The following DAND5 variants were observed in gnomAD, a reference collection of about 807,000 sequenced individuals.
The protein encoded by DAND5 is DAN domain BMP antagonist family member 5.
DAND5 carries 8 observed loss-of-function variants against 9.2 expected under a neutral mutation model. The observed-to-expected ratio is 0.87, with a 90% CI of 0.51 to 1.56. The LOEUF is 1.56. DAND5 is among the 40% of genes most tolerant of loss of function. The pLI is 0.00. For synonymous variants in DAND5, 95 were observed against 101.1 expected (o/e 0.94, Z 0.36); for missense variants, 244 against 244.7 (o/e 1.00, Z 0.02).
At chr19:12,971,568 C>T (rs1340639212) in intron 1 of DAND5, among the ~76,000 whole-genome samples, 1 of 151,990 alleles carries the variant, frequency 6.6e-6, no homozygotes, top group Non-Finnish European at 1.5e-5. Flanking sequence ...TGAGCCACTG[C>T]ACCCGGCCTT....
rs765612939 is a variant in DAND5 at position 12,973,404 on chromosome 19, G to A, written c.340G>A (p.Gly114Ser). 1.7e-5 allele frequency: 28 copies of A among 1,613,948 alleles called. No individual in the cohort carries two copies. Among genetic ancestry groups the A allele is most frequent in the East Asian group, 6.7e-5 (3 of 44,870 alleles). ...CCGGCCCCAGGTGTTCTCCCGGCCC[G>A]GCTGCTCAGCCATACGCCTCCGAAA... ...VPFVQVFSRP[G>S]CSAIRLRNHL... The change falls in exon 2 of 2, where the codon GGC (glycine) becomes AGC (serine). Residue 114 changes from glycine (G) to serine (S), a missense_variant. Physicochemically the swap from Gly to Ser is moderately conservative, Grantham distance 56. Transcript: ENST00000317060.
At position 12,969,596 on chromosome 19, in the gene DAND5, G is replaced by A. The variant is rs185960974; in HGVS notation, c.-65G>A. On this transcript the variant is annotated 5_prime_UTR_variant, in exon 1 of 2. Transcript: ENST00000317060. Reference sequence around the variant, plus strand: ...ATGCCACTCACCAGACAGCAGGGTCGACTGCTAGTGACCTTGAGCCCAGTC... The same window carrying A: ...ATGCCACTCACCAGACAGCAGGGTCAACTGCTAGTGACCTTGAGCCCAGTC... The A allele has an allele frequency of 9.3e-5, 141 of 1,509,872 alleles. 1 individual carries two copies. The East Asian group carries it at 2.2e-3, about 24-fold the overall frequency. The allele number at this position is 1,509,872 out of a possible 1,614,324, so 93.5% of individuals were successfully genotyped here.
intron 1 of DAND5, among the ~76,000 whole-genome samples, chr19:12,972,898 C>G (rs112758777): frequency 0.026 from 3,437 of 133,964 alleles, 159 homozygotes; most frequent in African/African-American, 0.09. Flanking sequence ...GAGTCTCGCT[C>G]TGTCCCCAGG....
intron 1 of DAND5, chr19:12,970,598 CTCTT>C (rs149778303): frequency 0.011 from 5,251 of 485,230 alleles, 214 homozygotes; most frequent in African/African-American, 0.091. Flanking sequence ...CTTTCTTTTT[CTCTT>C]TCTTTCTTTC....
chr19:12,970,327 T>G, intron 1 of DAND5: 2 of 623,142 alleles, frequency 3.2e-6, no homozygotes, highest in Non-Finnish European at 5.8e-6. Flanking sequence ...GCCCACAAAT[T>G]TCTGTACTCT....
In DAND5 at chr19:12,969,929, C is replaced by T. The variant is rs765003751; in HGVS notation, c.269C>T (p.Pro90Leu). The T allele has an allele frequency of 5.6e-6, 9 of 1,614,174 alleles. No homozygotes were observed. The highest frequency in any genetic ancestry group is 2.2e-5 in the East Asian group (1 of 44,884). ...GQDEVAAVTL[P>L]LNPQEVIQGM... ...GACGAGGTGGCTGCTGTGACTCTGC[C>T]GCTGAACCCTCAGGAAGTGATCCAG... Residue 90 changes from proline (P) to leucine (L), a missense_variant, in exon 1 of 2, where the codon CCG becomes CTG. Transcript: ENST00000317060.
At chr19:12,970,923 C>A (rs955518014) in intron 1 of DAND5, among the ~76,000 whole-genome samples, 11 of 152,184 alleles carry the variant, frequency 7.2e-5, no homozygotes, top group Admixed American at 1.3e-4. Flanking sequence ...TCAGGTGACC[C>A]GCCTGCCTCG....
At chr19:12,973,334 G>C (rs1450817234) in intron 1 of DAND5, 55 bp from the exon 2 acceptor site, 1 of 1,583,298 alleles carries the variant, frequency 6.3e-7, no homozygotes, top group African/African-American at 1.3e-5. Context: ...GATTATCCTC[G>C]CCACTCTGGC....
At position 12,973,966 on chromosome 19, in the gene DAND5, C is replaced by CATTCT. The variant is rs1440595456; in HGVS notation, c.*333_*337dup. Reference sequence around the variant, plus strand: ...CAAGCTCCACCTCCCGGGTTTATGCCATTCTCCTGTCTCAGCCTCCCGAGT... The same window carrying CATTCT: ...CAAGCTCCACCTCCCGGGTTTATGCCATTCTATTCTCCTGTCTCAGCCTCCCGAGT... On this transcript the variant is annotated 3_prime_UTR_variant, in exon 2 of 2. Transcript: ENST00000317060. 4.1e-6 allele frequency: 1 copy of CATTCT among 244,970 alleles called. No individual in the cohort carries two copies. The highest frequency in any genetic ancestry group is 2.3e-5 in the African/African-American group (1 of 44,340). The allele number at this position is 244,970 out of a possible 1,614,324, so 15.2% of individuals were successfully genotyped here.
Sources: allele counts gnomAD v4.1 joint callset (sites outside exome capture counted in the v4.1 genomes callset), GRCh38; gene constraint gnomAD v4.1.1; transcripts MANE v1.5; gene names NCBI Gene and HGNC (gene_info 2026-07-23, HGNC 2026-07-21).